The following EXOC4 variants were observed in gnomAD, a reference collection of about 807,000 sequenced individuals.
EXOC4 encodes the protein exocyst complex component 4.
EXOC4 carries 71 observed loss-of-function variants against 107.2 expected under a neutral mutation model. That is an observed-to-expected ratio of 0.66 (90% CI 0.55 to 0.81). EXOC4 has a LOEUF of 0.81. Ranked by LOEUF, EXOC4 falls within the 30% of genes least tolerant of loss-of-function variation. The probability of loss-of-function intolerance (pLI) is 0.00; values close to 1 mark genes in which losing one functional copy is unlikely to be tolerated. For synonymous variants in EXOC4, 456 were observed against 441.2 expected (o/e 1.03, Z -0.42); for missense variants, 1,108 against 1,189.6 (o/e 0.93, Z 1.01).
At chr7:134,076,802 C>T in the EXOC4 span, among the ~76,000 whole-genome samples, 1 of 151,862 alleles carries the variant, frequency 6.6e-6, no homozygotes, top group Admixed American at 6.6e-5. Flanking sequence ...TACATGGAAT[C>T]TTTGCACCCC....
chr7:133,396,123 C>T (rs182521726), intron 7 of EXOC4: 9 of 152,202 alleles, frequency 5.9e-5, no homozygotes, highest in Admixed American at 5.9e-4. Context: ...AGTGCTGTAT[C>T]CCAGATCTCC....
chr7:133,668,583 A>G (rs1344429354), intron 10 of EXOC4, among the ~76,000 whole-genome samples: 1 of 152,208 alleles, frequency 6.6e-6, no homozygotes, highest in African/African-American at 2.4e-5. Flanking sequence ...CTGAAATTTA[A>G]CTGAAGTGTT....
intron 7 of EXOC4, among the ~76,000 whole-genome samples, chr7:133,457,621 C>A (rs993213070): frequency 6.6e-6 from 1 of 152,194 alleles, no homozygotes; most frequent in African/African-American, 2.4e-5. Context: ...GGGAACCTTT[C>A]TCCTTAGAGT....
intron 12 of EXOC4, among the ~76,000 whole-genome samples, chr7:133,908,327 G>A (rs879389820): frequency 6.6e-6 from 1 of 152,252 alleles, no homozygotes; most frequent in African/African-American, 2.4e-5. Context: ...AAGAAACAGA[G>A]GTTCAGGAAA....
At chr7:133,692,936 A>C (rs1337274698) in intron 10 of EXOC4, among the ~76,000 whole-genome samples, 1 of 152,154 alleles carries the variant, frequency 6.6e-6, no homozygotes, top group Non-Finnish European at 1.5e-5. Context: ...TGGTCCTATG[A>C]AGTATGTCCT....
chr7:133,323,264 G>A (rs1233901117), intron 5 of EXOC4, among the ~76,000 whole-genome samples: 1 of 152,160 alleles, frequency 6.6e-6, no homozygotes, highest in Non-Finnish European at 1.5e-5. Context: ...TAGGAGTGGT[G>A]AGAGAGGGCA....
intron 9 of EXOC4, among the ~76,000 whole-genome samples, chr7:133,522,101 A>G (rs1195973876): frequency 1.3e-5 from 2 of 152,152 alleles, no homozygotes; most frequent in Non-Finnish European, 2.9e-5. Flanking sequence ...AATTTTAGAA[A>G]GTTAAAGTGG....
At chr7:133,585,465 A>G (rs1428259514) in intron 9 of EXOC4, among the ~76,000 whole-genome samples, 3 of 152,114 alleles carry the variant, frequency 2.0e-5, no homozygotes, top group Non-Finnish European at 2.9e-5. Context: ...AAAATGAACA[A>G]GAATCACTGT....
chr7:133,945,548 G>A (rs1025362672), intron 14 of EXOC4, among the ~76,000 whole-genome samples: 2 of 152,124 alleles, frequency 1.3e-5, no homozygotes, highest in African/African-American at 4.8e-5. Context: ...CAACAAAAAT[G>A]TTCCTCTTAC....
the EXOC4 span, among the ~76,000 whole-genome samples, chr7:134,078,542 C>T: frequency 2.6e-5 from 4 of 152,064 alleles, no homozygotes; most frequent in East Asian, 3.9e-4. Flanking sequence ...CCTCTAACAA[C>T]GTAGGCCCAA....
intron 7 of EXOC4, among the ~76,000 whole-genome samples, chr7:133,469,059 A>T (rs2150838181): frequency 6.6e-6 from 1 of 152,252 alleles, no homozygotes; most frequent in South Asian, 2.1e-4. Flanking sequence ...CTATTATCAG[A>T]CTCATCAAAG....
At chr7:133,879,778 G>A (rs968219284) in intron 11 of EXOC4, among the ~76,000 whole-genome samples, 1 of 151,990 alleles carries the variant, frequency 6.6e-6, no homozygotes, top group African/African-American at 2.4e-5. Context: ...TATTTGTTAT[G>A]GTTCTTTTTT....
intron 14 of EXOC4, among the ~76,000 whole-genome samples, chr7:133,986,868 A>C (rs1794127339): frequency 6.6e-6 from 1 of 152,138 alleles, no homozygotes; most frequent in Non-Finnish European, 1.5e-5. Context: ...CTGACACTCA[A>C]CTGTGATCCC....
At chr7:133,922,201 A>G (rs1799951797) in intron 13 of EXOC4, among the ~76,000 whole-genome samples, 1 of 152,208 alleles carries the variant, frequency 6.6e-6, no homozygotes, top group African/African-American at 2.4e-5. Flanking sequence ...CAAAGTCACA[A>G]CTGTGCCAAT....
chr7:133,558,510 T>TA (rs1759316530), intron 9 of EXOC4, among the ~76,000 whole-genome samples: 1 of 152,144 alleles, frequency 6.6e-6, no homozygotes, highest in Admixed American at 6.5e-5. Flanking sequence ...AGGGGTGTGT[T>TA]AAACATTGAC....
At chr7:133,659,837 C>T (rs920455896) in intron 10 of EXOC4, among the ~76,000 whole-genome samples, 1 of 152,204 alleles carries the variant, frequency 6.6e-6, no homozygotes, top group African/African-American at 2.4e-5. Context: ...AACTGTGAAT[C>T]CTGACAAACC....
At chr7:133,652,594 T>G (rs1803188522) in intron 10 of EXOC4, among the ~76,000 whole-genome samples, 1 of 151,852 alleles carries the variant, frequency 6.6e-6, no homozygotes, top group Non-Finnish European at 1.5e-5. Context: ...AGAGGAGTAG[T>G]GGGGAAGGGG....
At chr7:134,053,812 C>G (rs1193419469) in intron 17 of EXOC4, among the ~76,000 whole-genome samples, 1 of 152,046 alleles carries the variant, frequency 6.6e-6, no homozygotes, top group South Asian at 2.1e-4. Context: ...TTAATCCCAT[C>G]TGATCCTCTT....
chr7:133,920,571 A>G (rs1000953051), intron 13 of EXOC4, among the ~76,000 whole-genome samples: 1 of 152,166 alleles, frequency 6.6e-6, no homozygotes, highest in African/African-American at 2.4e-5. Context: ...AGTACCTTAT[A>G]ACAGAGTATT....
Sources: allele counts gnomAD v4.1 joint callset (sites outside exome capture counted in the v4.1 genomes callset), GRCh38; gene constraint gnomAD v4.1.1; transcripts MANE v1.5; gene names NCBI Gene and HGNC (gene_info 2026-07-23, HGNC 2026-07-21).